Variants in XRN2 observed in about 807,000 individuals in gnomAD.
XRN2 encodes the protein DHM1-like protein.
Under a neutral mutation model 138.5 loss-of-function variants are expected in XRN2, and 44 were observed. That is an observed-to-expected ratio of 0.32 (90% CI 0.25 to 0.41). The LOEUF (loss-of-function observed/expected upper bound fraction) is 0.41. XRN2 is among the 10% of genes least tolerant of loss of function. The pLI, the probability that XRN2 is intolerant of heterozygous loss-of-function variation, is 1.00. For synonymous variants in XRN2, 354 were observed against 369.4 expected, an observed-to-expected ratio of 0.96 and a Z score of 0.48; for missense variants, 937 against 1,169.3, an observed-to-expected ratio of 0.80 and a Z score of 2.90.
At chr20:21,311,816 C>T (rs1016581211) in intron 1 of XRN2, among the ~76,000 whole-genome samples, 2 of 151,900 alleles carry the variant, frequency 1.3e-5, no homozygotes, top group African/African-American at 2.4e-5. Context: ...GGTGAAACCT[C>T]GTCTCTACTA....
chr20:21,365,596 C>G lies in XRN2; in HGVS notation c.2348C>G (p.Pro783Arg). Residue 783 changes from proline to arginine, a missense_variant, in exon 26 of 30, where the codon CCT becomes CGT. Around this residue, in one of 6 missense-constraint regions of XRN2, gnomAD observed 372 missense variants for 414.4 expected, o/e 0.90. Transcript: ENST00000377191. Reference protein sequence around the residue: ...GARKPAAVLKPSDWEKSSNGR... With the variant: ...GARKPAAVLKRSDWEKSSNGR... Reference sequence around the variant, plus strand: ...AGAAAGCCAGCAGCAGTACTGAAACCTAGTGACTGGGAAAAATCCAGCAAT... The same window carrying G: ...AGAAAGCCAGCAGCAGTACTGAAACGTAGTGACTGGGAAAAATCCAGCAAT... 1 of 1,613,202 alleles carries G rather than the reference C, an allele frequency of 6.2e-7. No homozygotes were observed. The highest frequency in any genetic ancestry group is 8.5e-7 in the Non-Finnish European group (1 of 1,179,894).
At chr20:21,354,295 A>G (rs2038549615) in intron 20 of XRN2, among the ~76,000 whole-genome samples, 1 of 152,224 alleles carries the variant, frequency 6.6e-6, no homozygotes, top group African/African-American at 2.4e-5. Context: ...AAAGAATACT[A>G]TGGAATTTTA....
intron 1 of XRN2, among the ~76,000 whole-genome samples, chr20:21,318,351 T>C (rs1232044103): frequency 6.6e-6 from 1 of 152,194 alleles, no homozygotes; most frequent in East Asian, 1.9e-4. Flanking sequence ...TCATTTTTTG[T>C]TGACCTTTTT....
intron 1 of XRN2, among the ~76,000 whole-genome samples, chr20:21,315,660 CTTTTTGTA>C (rs1046130522): frequency 5.3e-5 from 8 of 151,994 alleles, no homozygotes; most frequent in African/African-American, 1.9e-4. Flanking sequence ...GCCTGGCTAA[CTTTTTGTA>C]TTTTGGGTTG....
intron 23 of XRN2, 134 bp from the exon 24 acceptor site, chr20:21,357,602 T>C (rs2038591385): frequency 1.7e-6 from 1 of 589,416 alleles, no homozygotes; most frequent in Admixed American, 4.0e-5. Context: ...ATATAAATGG[T>C]TTTTATTGTT....
At chr20:21,356,257 A>G (rs547756712) in intron 22 of XRN2, 80 bp downstream of exon 22, 64 of 1,126,446 alleles carry the variant, frequency 5.7e-5, no homozygotes, top group Middle Eastern at 2.2e-4. Context: ...ATTTACCATT[A>G]TAACCATTTT....
At chr20:21,338,447 C>T (rs1224117030) in intron 13 of XRN2, among the ~76,000 whole-genome samples, 8 of 152,138 alleles carry the variant, frequency 5.3e-5, no homozygotes, top group African/African-American at 1.4e-4. Flanking sequence ...CGTGCATACA[C>T]CTCAATTTCC....
At chr20:21,330,593 T>C in intron 5 of XRN2, 23 bp from the exon 6 acceptor site, 1 of 1,613,596 alleles carries the variant, frequency 6.2e-7, no homozygotes, top group Non-Finnish European at 8.5e-7. Flanking sequence ...GATAGGTTAA[T>C]TTATTTCTTT....
Position 21,388,701 on chromosome 20 carries a change from A to G in XRN2, c.2788-572A>G, listed in dbSNP as rs138404137. 6.2e-4 allele frequency among the ~76,000 whole-genome samples: 95 copies of G among 152,332 alleles called. No individual in the cohort carries two copies. The East Asian group carries it at 0.018, about 28-fold the overall frequency. Reference sequence around the variant, plus strand: ...AGAGGTGTCAGGTTTATCTTTTGTTATACAGAAATGTTATTTGCAAACATA... The same window carrying G: ...AGAGGTGTCAGGTTTATCTTTTGTTGTACAGAAATGTTATTTGCAAACATA... On this transcript the variant is annotated intron_variant, in intron 29 of 29. Coordinates refer to ENST00000377191, the MANE Select transcript of XRN2 (RefSeq NM_012255.5).
rs761622310 is a variant in XRN2 at position 21,377,264 on chromosome 20, C to CTTTTTTTTTTTTTTTTT, written c.2585-4716_2585-4715insTTTTTTTTTTTTTTTTT. On this transcript the variant is annotated intron_variant, in intron 27 of 29. Coordinates refer to ENST00000377191, the MANE Select transcript of XRN2 (RefSeq NM_012255.5). ...CCAACATATGATTTGTCGGTTTTTT[C>CTTTTTTTTTTTTTTTTT]TTTTTTTTTTTTTTGGTCAGTCTTG... Among the ~76,000 whole-genome samples, 337 of 82,754 alleles carry CTTTTTTTTTTTTTTTTT rather than the reference C, an allele frequency of 4.1e-3. 38 individuals are homozygous for CTTTTTTTTTTTTTTTTT. The highest frequency in any genetic ancestry group is 8.7e-3 in the East Asian group (16 of 1,844). The allele number at this position is 82,754 out of a possible 152,430, so 54.3% of individuals were successfully genotyped here.
intron 28 of XRN2, among the ~76,000 whole-genome samples, chr20:21,382,308 A>AC (rs2038894771): frequency 6.6e-6 from 1 of 152,214 alleles, no homozygotes; most frequent in African/African-American, 2.4e-5. Flanking sequence ...GATGCCCTGA[A>AC]AAATGCAACA....
Position 21,386,906 on chromosome 20 carries a change from T to A in XRN2, c.2687T>A (p.Met896Lys). ...GAEPLLPWNR[M>K]LQTQNAAFQP... The stretch of plus-strand genomic sequence containing the variant: ...GAACCTCTGCTCCCATGGAACCGGA[T>A]GCTGCAAACCCAGAATGCAGCCTTC... Residue 896 changes from methionine to lysine, a missense_variant, in exon 29 of 30, where the codon ATG becomes AAG. Physicochemically the swap from Met to Lys is moderately conservative, Grantham distance 95. Transcript: ENST00000377191. The A allele has an allele frequency of 1.9e-6, 3 of 1,613,998 alleles. No individual in the cohort carries two copies. The highest frequency in any genetic ancestry group is 2.5e-6 in the Non-Finnish European group (3 of 1,179,854).
At chr20:21,380,983 G>A (rs891953510) in intron 27 of XRN2, among the ~76,000 whole-genome samples, 2 of 152,176 alleles carry the variant, frequency 1.3e-5, no homozygotes, top group African/African-American at 2.4e-5. Context: ...TATTGATTCC[G>A]TGTTCTTTGT....
intron 24 of XRN2, among the ~76,000 whole-genome samples, chr20:21,360,025 T>G (rs992437592): frequency 6.6e-6 from 1 of 152,168 alleles, no homozygotes; most frequent in Non-Finnish European, 1.5e-5. Flanking sequence ...TACAAGCTGT[T>G]GAAGTCCCTT....
rs1568594449 is a variant in XRN2 at position 21,368,327 on chromosome 20, C to T, written c.2457-136C>T. The T allele has an allele frequency of 1.2e-5, 13 of 1,042,416 alleles. No individual in the cohort carries two copies. The East Asian group carries it at 3.3e-4, about 26-fold the overall frequency. The allele number at this position is 1,042,416 out of a possible 1,614,324, so 64.6% of individuals were successfully genotyped here. On this transcript the variant is annotated intron_variant, in intron 26 of 29. Transcript: ENST00000377191. ...AGTTTTGAGCTTTAATTATAAACCA[C>T]CTTTTTGTTTGTATTATCTTAATCA... is the stretch of plus-strand genomic sequence containing the variant.
intron 1 of XRN2, among the ~76,000 whole-genome samples, chr20:21,317,617 A>G (rs1241272169): frequency 1.3e-5 from 2 of 152,214 alleles, no homozygotes; most frequent in African/African-American, 4.8e-5. Flanking sequence ...ATTTGCATAT[A>G]ATCTATGCAC....
intron 15 of XRN2, among the ~76,000 whole-genome samples, chr20:21,342,530 GTAAT>G (rs779064795): frequency 2.0e-5 from 3 of 152,268 alleles, no homozygotes; most frequent in African/African-American, 4.8e-5. Context: ...TATCTTGTTA[GTAAT>G]TAATTTTGTT....
At chr20:21,379,680 TCTAGTTGTATAGGTTAGACAA>T (rs1024943645) in intron 27 of XRN2, among the ~76,000 whole-genome samples, 2 of 152,206 alleles carry the variant, frequency 1.3e-5, no homozygotes, top group African/African-American at 4.8e-5. Context: ...TTAAGACATT[TCTAGTTGTATAGGTTAGACAA>T]CTAGTTGTAT....
intron 20 of XRN2, among the ~76,000 whole-genome samples, chr20:21,351,467 G>GT (rs532400416): frequency 1.1e-3 from 165 of 152,198 alleles, no homozygotes; most frequent in African/African-American, 3.9e-3. Context: ...CATTATAGAA[G>GT]TTTTTTATAT....
Sources: allele counts gnomAD v4.1 joint callset (sites outside exome capture counted in the v4.1 genomes callset), GRCh38; gene constraint gnomAD v4.1.1; regional missense constraint gnomAD v4.1.1; transcripts MANE v1.5; gene names NCBI Gene and HGNC (gene_info 2026-07-23, HGNC 2026-07-21).